The following ACSS2 variants were observed in gnomAD, a reference collection of about 807,000 sequenced individuals.
The protein encoded by ACSS2 is acetyl-coenzyme A synthetase, cytoplasmic.
ACSS2 carries 58 observed loss-of-function variants against 90.6 expected under a neutral mutation model. That is an observed-to-expected ratio of 0.64 (90% CI 0.52 to 0.80). ACSS2 has a LOEUF of 0.80. Among genes scored for constraint, ACSS2 ranks in the 30% least tolerant of loss-of-function variants. ACSS2 has a pLI of 0.00. For missense variants in ACSS2, 759 were observed against 912.0 expected, an observed-to-expected ratio of 0.83 and a Z score of 2.16; for synonymous variants, 300 against 330.9, an observed-to-expected ratio of 0.91 and a Z score of 1.01.
At chr20:34,901,891 G>T (rs1348491970) in intron 2 of ACSS2, among the ~76,000 whole-genome samples, 1 of 152,140 alleles carries the variant, frequency 6.6e-6, no homozygotes, top group Non-Finnish European at 1.5e-5. Context: ...GAGAAACACT[G>T]GTCTTGCTTG....
intron 2 of ACSS2, among the ~76,000 whole-genome samples, chr20:34,892,059 GT>G (rs1444468765): frequency 2.0e-5 from 3 of 152,160 alleles, no homozygotes; most frequent in African/African-American, 7.2e-5. Flanking sequence ...CTTATAAACT[GT>G]TAGGGATGTA....
At chr20:34,921,190 GC>G (rs1280038162) in intron 10 of ACSS2, 51 bp downstream of exon 10, 1 of 1,613,056 alleles carries the variant, frequency 6.2e-7, no homozygotes, top group Non-Finnish European at 8.5e-7. Flanking sequence ...AGAGCTGGGT[GC>G]TGGCCTTTGT....
chr20:34,919,100 C>G (rs2081136836), intron 7 of ACSS2, among the ~76,000 whole-genome samples: 1 of 152,098 alleles, frequency 6.6e-6, no homozygotes, highest in Non-Finnish European at 1.5e-5. Flanking sequence ...AGCAATCTAT[C>G]AGATACTGTT....
intron 7 of ACSS2, among the ~76,000 whole-genome samples, chr20:34,918,670 G>C (rs1015060275): frequency 6.6e-6 from 1 of 152,180 alleles, no homozygotes; most frequent in Non-Finnish European, 1.5e-5. Flanking sequence ...ACGCAGATGT[G>C]GATTGGGTCT....
chr20:34,899,913 T>C (rs569887592), intron 2 of ACSS2, among the ~76,000 whole-genome samples: 4 of 151,968 alleles, frequency 2.6e-5, no homozygotes, highest in Non-Finnish European at 5.9e-5. Context: ...TTTTCAATTC[T>C]CTTGGGTATA....
At chr20:34,880,170 T>C (rs950550689) in intron 1 of ACSS2, among the ~76,000 whole-genome samples, 1 of 151,640 alleles carries the variant, frequency 6.6e-6, no homozygotes, top group Non-Finnish European at 1.5e-5. Context: ...TAAACATCTC[T>C]TTACTAATCA....
rs138144198 is a variant in ACSS2 at position 34,881,570 on chromosome 20, C to T, written c.179-1224C>T. 2.0e-5 allele frequency among the ~76,000 whole-genome samples: 3 copies of T among 152,308 alleles called. No individual in the cohort carries two copies. The East Asian group carries it at 5.8e-4, about 29-fold the overall frequency. On this transcript the variant is annotated intron_variant, in intron 1 of 17. Transcript: ENST00000360596. ...TGCCCAGTTTATGCATCAATTCCTG[C>T]TATTCTTTCCCTTATTCTCAGTGTT...
At chr20:34,897,665 C>T (rs2147016230) in intron 2 of ACSS2, among the ~76,000 whole-genome samples, 1 of 152,174 alleles carries the variant, frequency 6.6e-6, no homozygotes, top group East Asian at 1.9e-4. Context: ...CCCATCTCTA[C>T]TAAAAATATA....
intron 7 of ACSS2, among the ~76,000 whole-genome samples, chr20:34,917,317 T>C (rs1340178309): frequency 1.3e-5 from 2 of 152,248 alleles, no homozygotes; most frequent in East Asian, 3.8e-4. Context: ...AATGTATGTG[T>C]AGATGCATAT....
At chr20:34,884,278 C>A (rs1024018417) in intron 2 of ACSS2, among the ~76,000 whole-genome samples, 19 of 152,050 alleles carry the variant, frequency 1.2e-4, no homozygotes, top group Non-Finnish European at 2.9e-5. Flanking sequence ...TTAAGCTAGC[C>A]AATAGGAGCA....
In ACSS2 at chr20:34,925,684, G is replaced by A. The variant is rs749544092; in HGVS notation, c.1658-14G>A. ...GTAGGGTTTTTATTTATTAGGTTTT[G>A]CATTTCTTCCCAGGCTGCCAGCGGG... On this transcript the variant is annotated splice_polypyrimidine_tract_variant and intron_variant, in intron 14 of 17. Coordinates refer to ENST00000360596, the MANE Select transcript of ACSS2 (RefSeq NM_018677.4). The A allele has an allele frequency of 3.7e-6, 6 of 1,610,632 alleles. No individual in the cohort carries two copies. Among genetic ancestry groups the A allele is most frequent in the Non-Finnish European group, 5.1e-6 (6 of 1,178,486 alleles).
intron 2 of ACSS2, among the ~76,000 whole-genome samples, chr20:34,893,389 T>C (rs2080383619): frequency 6.6e-6 from 1 of 152,054 alleles, no homozygotes; most frequent in Non-Finnish European, 1.5e-5. Flanking sequence ...ATTTTTATTT[T>C]GAGACAGAAT....
chr20:34,910,619 T>A (rs2080928364), intron 2 of ACSS2, among the ~76,000 whole-genome samples: 1 of 152,218 alleles, frequency 6.6e-6, no homozygotes, highest in African/African-American at 2.4e-5. Context: ...TGTGCCTCTG[T>A]ACTCCAGCCT....
intron 2 of ACSS2, chr20:34,908,766 C>T (rs1422513834): frequency 5.8e-6 from 2 of 342,734 alleles, no homozygotes; most frequent in East Asian, 1.8e-4. Context: ...GAGTCTGAGG[C>T]AGAAGAATTG....
chr20:34,891,630 A>T (rs970890271), intron 2 of ACSS2, among the ~76,000 whole-genome samples: 30 of 152,280 alleles, frequency 2.0e-4, no homozygotes, highest in African/African-American at 7.2e-4. Flanking sequence ...CTCAAAGCTA[A>T]TGGGAGATAC....
chr20:34,893,929 A>C (rs2147002923), intron 2 of ACSS2, among the ~76,000 whole-genome samples: 1 of 152,282 alleles, frequency 6.6e-6, no homozygotes, highest in African/African-American at 2.4e-5. Context: ...ACAACCCTGA[A>C]ACTATTCACC....
Position 34,882,974 on chromosome 20 carries a change from A to C in ACSS2, c.359A>C (p.Lys120Thr). The change falls in exon 2 of 18, where the codon AAA becomes ACA. Residue 120 changes from lysine to threonine, a missense_variant. By Grantham distance (78) the Lys-to-Thr change is moderately conservative. Coordinates refer to ENST00000360596, the MANE Select transcript of ACSS2 (RefSeq NM_018677.4). ...RNVHEKKLGD[K>T]VAFYWEGNEP... The stretch of plus-strand genomic sequence containing the variant: ...GTCCATGAGAAAAAGCTTGGAGATA[A>C]AGTTGCTTTTTACTGGTAAAAATAT... 1 of 1,602,772 alleles carries C rather than the reference A, an allele frequency of 6.2e-7. No homozygotes were observed. Among genetic ancestry groups the C allele is most frequent in the South Asian group, 1.1e-5 (1 of 87,670 alleles).
At chr20:34,925,834 T>C in intron 15 of ACSS2, 68 bp downstream of exon 15, 2 of 1,545,268 alleles carry the variant, frequency 1.3e-6, no homozygotes. Flanking sequence ...GCCGAAGCCT[T>C]CCGCAAGAGC....
chr20:34,888,067 CAAAAAAAAAAA>C (rs34578238), intron 2 of ACSS2, among the ~76,000 whole-genome samples: 2 of 62,522 alleles, frequency 3.2e-5, no homozygotes, highest in Non-Finnish European at 5.6e-5. Context: ...AAGACTCCAT[CAAAAAAAAAAA>C]AAAAAAAAAA....
Sources: allele counts gnomAD v4.1 joint callset (sites outside exome capture counted in the v4.1 genomes callset), GRCh38; gene constraint gnomAD v4.1.1; transcripts MANE v1.5; gene names NCBI Gene and HGNC (gene_info 2026-07-23, HGNC 2026-07-21).